TEX11: variants seen among roughly 807,000 people sequenced by gnomAD.
The protein encoded by TEX11 is testis-expressed protein 11.
A neutral mutation model predicts 84.4 loss-of-function variants in TEX11; 7 were observed. That is an observed-to-expected ratio of 0.08 (90% CI 0.05 to 0.16). TEX11 has a LOEUF of 0.16. Ranked by LOEUF, TEX11 falls within the 10% of genes least tolerant of loss-of-function variation. The probability of loss-of-function intolerance (pLI) is 1.00; values close to 1 mark genes in which losing one functional copy is unlikely to be tolerated. For synonymous variants in TEX11, 264 were observed against 222.8 expected (o/e 1.18, Z -1.64); for missense variants, 551 against 660.5 (o/e 0.83, Z 1.82).
intron 9 of TEX11, among the ~76,000 whole-genome samples, chrX:70,761,976 C>T (rs1368101209): frequency 9.0e-6 from 1 of 111,695 alleles, no homozygotes; most frequent in African/African-American, 3.3e-5. Flanking sequence ...CAATGGAAAC[C>T]TTACAGGCCA....
chrX:70,593,970 G>A (rs1451075213), intron 24 of TEX11, among the ~76,000 whole-genome samples: 3 of 111,481 alleles, frequency 2.7e-5, no homozygotes, highest in African/African-American at 9.8e-5. Flanking sequence ...TTAAACAAAT[G>A]GCTGAAAATT....
intron 2 of TEX11, among the ~76,000 whole-genome samples, chrX:70,900,040 G>T (rs2091793668): frequency 2.9e-5 from 3 of 104,500 alleles, no homozygotes; most frequent in South Asian, 8.7e-4. Context: ...GAGTGGTGGT[G>T]CACGCCTGTA....
At chrX:70,564,446 C>A (rs1356382028) in intron 25 of TEX11, among the ~76,000 whole-genome samples, 4 of 109,399 alleles carry the variant, frequency 3.7e-5, no homozygotes, top group Admixed American at 2.0e-4. Context: ...GGTACATGTG[C>A]ACAATGTGCA....
intron 9 of TEX11, among the ~76,000 whole-genome samples, chrX:70,794,819 G>A (rs2091146469): frequency 9.1e-6 from 1 of 109,403 alleles, no homozygotes; most frequent in Admixed American, 9.9e-5. Context: ...AATCAGCAGC[G>A]ATAGCCAAGT....
At chrX:70,617,484 G>A (rs749589341) in intron 20 of TEX11, among the ~76,000 whole-genome samples, 5 of 106,567 alleles carry the variant, frequency 4.7e-5, no homozygotes, top group African/African-American at 1.7e-4. Flanking sequence ...TATATAATGA[G>A]ATACTACTCA....
intron 8 of TEX11, among the ~76,000 whole-genome samples, chrX:70,813,944 A>G (rs1437812661): frequency 6.3e-5 from 7 of 111,883 alleles, no homozygotes; most frequent in Non-Finnish European, 9.4e-5. Context: ...TCAGTGAAAC[A>G]TAAGAGGACA....
intron 13 of TEX11, among the ~76,000 whole-genome samples, chrX:70,708,795 AG>A (rs2090399844): frequency 9.1e-6 from 1 of 110,270 alleles, no homozygotes; most frequent in Non-Finnish European, 1.9e-5. Flanking sequence ...GGACTAGTAG[AG>A]GGGGGAGAGG....
At chrX:70,862,332 C>A (rs2091574688) in intron 4 of TEX11, among the ~76,000 whole-genome samples, 1 of 111,792 alleles carries the variant, frequency 8.9e-6, no homozygotes, top group African/African-American at 3.2e-5. Flanking sequence ...TAAAAAACAG[C>A]TTCACAAATA....
chrX:70,692,870 A>G (rs1367506297), intron 13 of TEX11, among the ~76,000 whole-genome samples: 2 of 111,221 alleles, frequency 1.8e-5, no homozygotes, highest in African/African-American at 3.3e-5. Context: ...TGGTAGTTCT[A>G]TCTTTAATTT....
intron 20 of TEX11, among the ~76,000 whole-genome samples, chrX:70,615,560 T>C (rs1167654084): frequency 9.0e-6 from 1 of 111,376 alleles, no homozygotes; most frequent in Non-Finnish European, 1.9e-5. Flanking sequence ...AAAGAGCAAA[T>C]GTAAGAGTTA....
intron 25 of TEX11, among the ~76,000 whole-genome samples, chrX:70,576,390 A>G (rs1255391374): frequency 8.9e-6 from 1 of 112,491 alleles, no homozygotes; most frequent in Non-Finnish European, 1.9e-5. Flanking sequence ...GGAAATACAA[A>G]ATCTCAAGAA....
intron 8 of TEX11, among the ~76,000 whole-genome samples, chrX:70,816,760 T>A (rs1371901722): frequency 9.2e-6 from 1 of 108,535 alleles, no homozygotes; most frequent in Non-Finnish European, 1.9e-5. Context: ...GAGATGAGCA[T>A]GTAGATTCAG....
At chrX:70,727,756 A>ATC (rs1008849994) in intron 11 of TEX11, among the ~76,000 whole-genome samples, 4 of 107,948 alleles carry the variant, frequency 3.7e-5, no homozygotes, top group South Asian at 4.1e-4. Context: ...ATGAGAGATG[A>ATC]TCTCTCTCTC....
chrX:70,511,752 C>CAAAAAAAAAAAAAAAAAA, the TEX11 span, among the ~76,000 whole-genome samples: 20 of 32,683 alleles, frequency 6.1e-4, no homozygotes, highest in Non-Finnish European at 9.2e-4. Context: ...GACTCCATCT[C>CAAAAAAAAAAAAAAAAAA]AAAAAAAAAA....
At chrX:70,679,363 C>T (rs1199082293) in intron 14 of TEX11, among the ~76,000 whole-genome samples, 4 of 109,025 alleles carry the variant, frequency 3.7e-5, no homozygotes, top group Admixed American at 1.9e-4. Flanking sequence ...GCCACCACCC[C>T]GTCTGGGAAG....
At chrX:70,814,044 T>G (rs774903444) in intron 8 of TEX11, among the ~76,000 whole-genome samples, 11 of 111,551 alleles carry the variant, frequency 9.9e-5, no homozygotes, top group African/African-American at 3.6e-4. Context: ...ATTTATAGAT[T>G]CAATGCCATC....
intron 20 of TEX11, among the ~76,000 whole-genome samples, chrX:70,617,722 C>T (rs2089335686): frequency 9.0e-6 from 1 of 110,963 alleles, no homozygotes; most frequent in African/African-American, 3.3e-5. Flanking sequence ...CTGAAATACC[C>T]ATGATGAAGC....
chrX:70,592,617 G>A (rs937729534), intron 24 of TEX11, among the ~76,000 whole-genome samples: 1 of 111,323 alleles, frequency 9.0e-6, no homozygotes, highest in Non-Finnish European at 1.9e-5. Flanking sequence ...CTGCTTATAG[G>A]ATAGAGTGTC....
chrX:70,817,525 A>C (rs1384639301), intron 8 of TEX11, among the ~76,000 whole-genome samples: 1 of 111,649 alleles, frequency 9.0e-6, no homozygotes, highest in Non-Finnish European at 1.9e-5. Flanking sequence ...GTGAGCTAAA[A>C]ATACAAAAAT....
Sources: allele counts gnomAD v4.1 joint callset (sites outside exome capture counted in the v4.1 genomes callset), GRCh38; gene constraint gnomAD v4.1.1; transcripts MANE v1.5; gene names NCBI Gene and HGNC (gene_info 2026-07-23, HGNC 2026-07-21).